GPR176: variants seen among roughly 807,000 people sequenced by gnomAD.
GPR176 encodes G protein-coupled receptor 176.
Under a neutral mutation model 35.4 loss-of-function variants are expected in GPR176, and 26 were observed. That is an observed-to-expected ratio of 0.74 (90% confidence interval 0.54 to 1.02). The LOEUF is 1.02. GPR176 is among the 50% of genes least tolerant of loss of function. The pLI is 0.00. For synonymous variants in GPR176, 278 were observed against 271.3 expected, an observed-to-expected ratio of 1.02 and a Z score of -0.24; for missense variants, 597 against 665.3, an observed-to-expected ratio of 0.90 and a Z score of 1.13.
At chr15:39,811,811 C>G (rs775587105) in intron 1 of GPR176, among the ~76,000 whole-genome samples, 4 of 151,838 alleles carry the variant, frequency 2.6e-5, no homozygotes, top group Non-Finnish European at 5.9e-5. Context: ...AGCTACTCAG[C>G]AGGCTGAGGC....
chr15:39,821,822 T>C (rs1036189430), intron 1 of GPR176, among the ~76,000 whole-genome samples: 6 of 152,152 alleles, frequency 3.9e-5, no homozygotes, highest in African/African-American at 1.4e-4. Flanking sequence ...CAAAAGCAAA[T>C]ATTGTAAGCC....
intron 1 of GPR176, among the ~76,000 whole-genome samples, chr15:39,835,458 T>C (rs1348342566): frequency 6.6e-6 from 1 of 151,954 alleles, no homozygotes; most frequent in Non-Finnish European, 1.5e-5. Context: ...GACAAAGAAG[T>C]TTTTCTGTCT....
intron 1 of GPR176, among the ~76,000 whole-genome samples, chr15:39,890,986 C>G (rs547202078): frequency 6.6e-6 from 1 of 152,232 alleles, no homozygotes; most frequent in Non-Finnish European, 1.5e-5. Flanking sequence ...TTGCCTTGGG[C>G]CTCTTTTTGA....
intron 1 of GPR176, among the ~76,000 whole-genome samples, chr15:39,845,797 G>A (rs904288477): frequency 1.8e-4 from 27 of 152,118 alleles, no homozygotes; most frequent in African/African-American, 6.3e-4. Context: ...CAGAAACTAC[G>A]TAAGCTCTAG....
intron 1 of GPR176, among the ~76,000 whole-genome samples, chr15:39,886,817 T>C (rs1217171172): frequency 6.6e-6 from 1 of 152,222 alleles, no homozygotes; most frequent in African/African-American, 2.4e-5. Flanking sequence ...TGTCACATAA[T>C]AGTGATCCTT....
chr15:39,843,844 G>C (rs2030208943), intron 1 of GPR176, among the ~76,000 whole-genome samples: 1 of 152,058 alleles, frequency 6.6e-6, no homozygotes, highest in African/African-American at 2.4e-5. Context: ...TTTTCTATGT[G>C]ATTTTGACTC....
At chr15:39,848,282 C>T (rs989490537) in intron 1 of GPR176, among the ~76,000 whole-genome samples, 3 of 152,000 alleles carry the variant, frequency 2.0e-5, no homozygotes, top group East Asian at 1.9e-4. Context: ...TATAGTAATC[C>T]TAAATGTATA....
At chr15:39,888,587 C>T (rs1338737971) in intron 1 of GPR176, among the ~76,000 whole-genome samples, 1 of 152,210 alleles carries the variant, frequency 6.6e-6, no homozygotes, top group East Asian at 1.9e-4. Context: ...AGCCACCTTG[C>T]CCAGCTTATT....
chr15:39,901,937 A>G (rs2033290996), intron 1 of GPR176, among the ~76,000 whole-genome samples: 1 of 149,482 alleles, frequency 6.7e-6, no homozygotes, highest in Admixed American at 6.7e-5. Flanking sequence ...AAAAAAAATT[A>G]GCCAGACGTG....
chr15:39,853,228 T>C (rs1379522422), intron 1 of GPR176, among the ~76,000 whole-genome samples: 2 of 152,182 alleles, frequency 1.3e-5, no homozygotes, highest in Non-Finnish European at 2.9e-5. Context: ...TGGAAAGTTA[T>C]TCAACCTTAA....
intron 1 of GPR176, among the ~76,000 whole-genome samples, chr15:39,864,882 T>A (rs117843873): frequency 6.8e-6 from 1 of 146,526 alleles, no homozygotes; most frequent in Non-Finnish European, 1.5e-5. Context: ...CCAAAAAGCA[T>A]GAATAGACAT....
chr15:39,881,616 T>C (rs1021898391), intron 1 of GPR176, among the ~76,000 whole-genome samples: 2 of 152,240 alleles, frequency 1.3e-5, no homozygotes, highest in African/African-American at 4.8e-5. Context: ...TGGTCCCTTT[T>C]AACATAGTTT....
intron 1 of GPR176, among the ~76,000 whole-genome samples, chr15:39,859,954 G>A: frequency 6.7e-6 from 1 of 150,318 alleles, no homozygotes; most frequent in South Asian, 2.1e-4. Context: ...GTAAATATGT[G>A]GCATGTGTTT....
intron 1 of GPR176, among the ~76,000 whole-genome samples, chr15:39,839,336 C>T (rs1901601924): frequency 1.3e-5 from 2 of 152,134 alleles, no homozygotes; most frequent in Admixed American, 1.3e-4. Context: ...CATCTACAAC[C>T]ATCTGATCTT....
intron 1 of GPR176, among the ~76,000 whole-genome samples, chr15:39,819,269 T>C (rs1900112071): frequency 6.6e-6 from 1 of 152,186 alleles, no homozygotes; most frequent in African/African-American, 2.4e-5. Flanking sequence ...CTATATTAAA[T>C]TACTCATGCA....
intron 1 of GPR176, among the ~76,000 whole-genome samples, chr15:39,879,122 A>T (rs1029301675): frequency 6.6e-6 from 1 of 152,266 alleles, no homozygotes; most frequent in Non-Finnish European, 1.5e-5. Flanking sequence ...AAATGGGTCA[A>T]CTATCATTTT....
At chr15:39,876,202 A>C (rs972473018) in intron 1 of GPR176, among the ~76,000 whole-genome samples, 4 of 152,092 alleles carry the variant, frequency 2.6e-5, no homozygotes, top group African/African-American at 9.7e-5. Context: ...GAAGAAGAAG[A>C]GAATTGAGCA....
intron 1 of GPR176, among the ~76,000 whole-genome samples, chr15:39,887,884 T>C (rs1185649670): frequency 2.0e-5 from 3 of 152,226 alleles, no homozygotes; most frequent in African/African-American, 4.8e-5. Flanking sequence ...ACTGGGAAGA[T>C]GCAGATATAA....
At chr15:39,870,435 A>G (rs7497058) in intron 1 of GPR176, among the ~76,000 whole-genome samples, 102,759 of 152,048 alleles carry the variant, frequency 0.68, 35,613 homozygotes, top group Non-Finnish European at 0.77. Context: ...CATCATTTAA[A>G]GGATAACCGC....
Sources: gnomAD v4.1 joint callset for allele counts (sites outside exome capture counted in the v4.1 genomes callset) on GRCh38, gnomAD v4.1.1 for gene constraint, MANE v1.5 for transcripts, NCBI Gene and HGNC (gene_info 2026-07-23, HGNC 2026-07-21) for gene names.